CCDC7: variants seen among roughly 807,000 people sequenced by gnomAD.
CCDC7 encodes the protein coiled-coil domain-containing protein 7.
Under a neutral mutation model 196.9 loss-of-function variants are expected in CCDC7, and 183 were observed. The ratio of observed to expected loss-of-function variants is 0.93; its 90% CI spans 0.82 to 1.05. The LOEUF (loss-of-function observed/expected upper bound fraction) is 1.05, where lower values mean the gene tolerates loss of function less well. Ranked by LOEUF, CCDC7 falls within the 50% of genes least tolerant of loss-of-function variation. CCDC7 has a pLI of 0.00. For synonymous variants in CCDC7, 525 were observed against 484.6 expected (o/e 1.08, Z -1.10); for missense variants, 1,540 against 1,482.2 (o/e 1.04, Z -0.64).
chr10:32,703,103 C>G (rs1168751478), intron 24 of CCDC7, among the ~76,000 whole-genome samples: 1 of 152,140 alleles, frequency 6.6e-6, no homozygotes, highest in Non-Finnish European at 1.5e-5. Flanking sequence ...CAGTTTCTTC[C>G]TAGCATTGAT....
intron 28 of CCDC7, among the ~76,000 whole-genome samples, chr10:32,747,036 G>A (rs1201352078): frequency 6.6e-6 from 1 of 152,198 alleles, no homozygotes; most frequent in Non-Finnish European, 1.5e-5. Flanking sequence ...CCCTGACAAA[G>A]CACTTTGCTG....
intron 28 of CCDC7, among the ~76,000 whole-genome samples, chr10:32,775,140 A>G (rs1005578570): frequency 1.3e-5 from 2 of 152,206 alleles, no homozygotes; most frequent in East Asian, 1.9e-4. Context: ...GATTACTGCT[A>G]TAAAGGCATA....
chr10:32,677,371 T>TAAA (rs899306053), intron 21 of CCDC7, among the ~76,000 whole-genome samples: 1 of 142,828 alleles, frequency 7.0e-6, no homozygotes, highest in East Asian at 2.2e-4. Flanking sequence ...ATAATAATAA[T>TAAA]AAAAAAAAAG....
intron 20 of CCDC7, among the ~76,000 whole-genome samples, chr10:32,656,695 C>A (rs73259404): frequency 0.053 from 8,077 of 152,198 alleles, 712 homozygotes; most frequent in African/African-American, 0.18. Context: ...TTGGGTGCGG[C>A]GAGCCAAACC....
intron 21 of CCDC7, among the ~76,000 whole-genome samples, chr10:32,669,384 A>G (rs11812263): frequency 0.085 from 12,992 of 152,154 alleles, 873 homozygotes; most frequent in South Asian, 0.25. Context: ...TGGTATCAGT[A>G]ATGCTGGCCT....
intron 41 of CCDC7, among the ~76,000 whole-genome samples, chr10:32,860,340 A>G (rs1208613745): frequency 6.6e-6 from 1 of 152,232 alleles, no homozygotes; most frequent in East Asian, 1.9e-4. Context: ...AGATGCCGAA[A>G]AGGCCTTTGA....
chr10:32,604,222 C>G (rs1467469813), intron 18 of CCDC7, among the ~76,000 whole-genome samples: 2 of 152,056 alleles, frequency 1.3e-5, no homozygotes, highest in African/African-American at 4.8e-5. Context: ...GTTCATGGCA[C>G]CTTTGTAAAA....
At chr10:32,502,652 G>A (rs2044254975) in intron 9 of CCDC7, among the ~76,000 whole-genome samples, 1 of 152,180 alleles carries the variant, frequency 6.6e-6, no homozygotes, top group South Asian at 2.1e-4. Context: ...GTCTTTTGTG[G>A]TCCCATATGA....
chr10:32,828,555 GAAGAAA>G (rs1359567481), intron 32 of CCDC7, among the ~76,000 whole-genome samples: 20 of 147,886 alleles, frequency 1.4e-4, no homozygotes, highest in African/African-American at 4.7e-4. Flanking sequence ...AGAAGAAGAA[GAAGAAA>G]GAAGAAGAAG....
intron 20 of CCDC7, among the ~76,000 whole-genome samples, chr10:32,659,417 T>C (rs547516285): frequency 9.1e-4 from 139 of 152,350 alleles, no homozygotes; most frequent in African/African-American, 3.1e-3. Context: ...TTCAGCCTTC[T>C]AAAATTTGTT....
intron 24 of CCDC7, among the ~76,000 whole-genome samples, chr10:32,698,660 A>G (rs986907176): frequency 1.3e-5 from 2 of 152,110 alleles, no homozygotes; most frequent in Admixed American, 6.5e-5. Context: ...GAGAAAAAAG[A>G]GTAAAAAGAA....
At chr10:32,725,233 C>T (rs1044413704) in intron 25 of CCDC7, 16 of 428,814 alleles carry the variant, frequency 3.7e-5, no homozygotes, top group African/African-American at 3.3e-4. Flanking sequence ...TCTCTCGAAG[C>T]ACCAACTGAT....
intron 8 of CCDC7, among the ~76,000 whole-genome samples, chr10:32,479,429 G>A (rs903813531): frequency 2.6e-5 from 4 of 152,048 alleles, no homozygotes. Flanking sequence ...AAAGAATGTT[G>A]AATTTTTTCA....
chr10:32,462,513 ACTGT>A (rs1158938727), intron 3 of CCDC7, among the ~76,000 whole-genome samples, 166 bp from the exon 5 acceptor site: 2 of 152,172 alleles, frequency 1.3e-5, no homozygotes, highest in Non-Finnish European at 2.9e-5. Context: ...AACTAAAAGC[ACTGT>A]CTGTAAATAA....
intron 28 of CCDC7, among the ~76,000 whole-genome samples, chr10:32,731,829 T>G (rs1032559132): frequency 6.6e-6 from 1 of 152,140 alleles, no homozygotes; most frequent in Non-Finnish European, 1.5e-5. Flanking sequence ...CAAGGCGGGC[T>G]GATCACAAGT....
chr10:32,477,898 T>C (rs1199942865), intron 8 of CCDC7, among the ~76,000 whole-genome samples: 1 of 152,220 alleles, frequency 6.6e-6, no homozygotes, highest in Non-Finnish European at 1.5e-5. Flanking sequence ...TTGATTGAGA[T>C]TGCATTGAAT....
At chr10:32,615,486 T>C (rs1201751173) in intron 18 of CCDC7, among the ~76,000 whole-genome samples, 2 of 152,186 alleles carry the variant, frequency 1.3e-5, no homozygotes, top group African/African-American at 2.4e-5. Context: ...TTTTGAAAAA[T>C]GTTTGTTCAA....
At chr10:32,854,761 T>G (rs557807507) in intron 41 of CCDC7, among the ~76,000 whole-genome samples, 9 of 152,308 alleles carry the variant, frequency 5.9e-5, no homozygotes, top group Admixed American at 5.9e-4. Flanking sequence ...CTGTCACATT[T>G]TTAAGCTACT....
intron 8 of CCDC7, among the ~76,000 whole-genome samples, chr10:32,487,010 C>T (rs2041242551): frequency 6.6e-6 from 1 of 152,070 alleles, no homozygotes; most frequent in South Asian, 2.1e-4. Context: ...GTGGTGTTCT[C>T]TGTGTTTCCT....
Sources: gnomAD v4.1 joint callset for allele counts (sites outside exome capture counted in the v4.1 genomes callset) on GRCh38, gnomAD v4.1.1 for gene constraint, MANE v1.5 for transcripts, NCBI Gene and HGNC (gene_info 2026-07-23, HGNC 2026-07-21) for gene names.